The following RALB variants were observed in gnomAD, a reference collection of about 807,000 sequenced individuals.
RALB encodes the protein ras-related protein Ral-B.
A neutral mutation model predicts 21.3 loss-of-function variants in RALB; 16 were observed. That is an observed-to-expected ratio of 0.75 (90% confidence interval 0.51 to 1.14). RALB has a LOEUF of 1.14. Ranked by LOEUF, RALB falls within the 50% of genes most tolerant of loss-of-function variation. RALB has a pLI of 0.00. For synonymous variants in RALB, 93 were observed against 96.1 expected (o/e 0.97, Z 0.19); for missense variants, 161 against 256.2 (o/e 0.63, Z 2.54).
intron 2 of RALB, 29 bp from the exon 3 acceptor site, chr2:120,285,845 T>G (rs1369299794): frequency 5.0e-6 from 8 of 1,592,056 alleles, no homozygotes; most frequent in Non-Finnish European, 6.0e-6. Context: ...TAAGACTTTG[T>G]TAATTACCGA....
At chr2:120,241,827 G>A (rs528789308) in intron 1 of RALB, among the ~76,000 whole-genome samples, 15 of 152,362 alleles carry the variant, frequency 9.8e-5, no homozygotes, top group East Asian at 1.9e-4. Context: ...GTGGGAATGC[G>A]TAATGGTGCA....
chr2:120,262,930 A>G (rs994846733), intron 1 of RALB, among the ~76,000 whole-genome samples: 4 of 152,058 alleles, frequency 2.6e-5, no homozygotes, highest in African/African-American at 9.7e-5. Flanking sequence ...CTGCCCTGAG[A>G]CGTAGGCAGG....
At position 120,252,984 on chromosome 2, in the gene RALB, A is replaced by C. The variant is rs1216386849; in HGVS notation, c.-48+4A>C. 9.1e-6 allele frequency: 9 copies of C among 984,076 alleles called. No homozygotes were observed. The highest frequency in any genetic ancestry group is 1.1e-5 in the Non-Finnish European group (9 of 829,618). 61.0% of individuals were successfully genotyped at this position (984,076 alleles called of 1,614,324 possible). ...GAGGCGGCGGGACTGGTCCCTGGTA[A>C]GGGCGCGGCGCCCGCGGGCCCCGGG... is the stretch of plus-strand genomic sequence containing the variant. On this transcript the variant is annotated splice_donor_region_variant and intron_variant, in intron 1 of 4. Transcript: ENST00000272519.
chr2:120,250,610 C>T (rs1359024985), upstream of RALB, among the ~76,000 whole-genome samples: 2 of 152,216 alleles, frequency 1.3e-5, no homozygotes, highest in African/African-American at 4.8e-5. Context: ...ATGCTCTTTC[C>T]ATGGCAGCAG....
At chr2:120,282,559 TG>T (rs1264300647) in intron 2 of RALB, among the ~76,000 whole-genome samples, 2 of 66,690 alleles carry the variant, frequency 3.0e-5, no homozygotes, top group Non-Finnish European at 5.4e-5. Flanking sequence ...GTGTGTGTGT[TG>T]GGGAGGGGGG....
At chr2:120,292,201 G>A (rs972813145) in intron 4 of RALB, among the ~76,000 whole-genome samples, 2 of 152,192 alleles carry the variant, frequency 1.3e-5, no homozygotes, top group Non-Finnish European at 2.9e-5. Context: ...CCTCTCAGCT[G>A]ACATCACAAG....
Position 120,285,133 on chromosome 2 carries a change from A to G in RALB, c.115-741A>G, listed in dbSNP as rs534330038. 3.9e-5 allele frequency among the ~76,000 whole-genome samples: 6 copies of G among 152,254 alleles called. No homozygotes were observed. The East Asian group carries it at 1.2e-3, about 29-fold the overall frequency. Reference sequence around the variant, plus strand: ...GGGAGGCCTCAGGAAACTTACAATCATGGCAGAAGGGGGAGCAAACATGTC... The same window carrying G: ...GGGAGGCCTCAGGAAACTTACAATCGTGGCAGAAGGGGGAGCAAACATGTC... On this transcript the variant is annotated intron_variant, in intron 2 of 4. Coordinates refer to ENST00000272519, the MANE Select transcript of RALB (RefSeq NM_002881.3).
upstream of RALB, among the ~76,000 whole-genome samples, chr2:120,249,844 C>T (rs1439014998): frequency 1.3e-5 from 2 of 152,184 alleles, no homozygotes; most frequent in Non-Finnish European, 2.9e-5. Context: ...GCTCTTGCCT[C>T]CCCTTCCAGC....
intron 1 of RALB, among the ~76,000 whole-genome samples, chr2:120,257,051 G>A (rs933200770): frequency 6.6e-6 from 1 of 152,218 alleles, no homozygotes; most frequent in Non-Finnish European, 1.5e-5. Context: ...CAAGTATGCA[G>A]TAGCTTTGGA....
At chr2:120,257,496 A>G (rs943352921) in intron 1 of RALB, among the ~76,000 whole-genome samples, 5 of 132,138 alleles carry the variant, frequency 3.8e-5, no homozygotes, top group African/African-American at 1.5e-4. Context: ...CATCTCTGAA[A>G]ATTCTATGAT....
chr2:120,254,762 C>G (rs1689155186), intron 1 of RALB, among the ~76,000 whole-genome samples: 1 of 152,178 alleles, frequency 6.6e-6, no homozygotes, highest in Non-Finnish European at 1.5e-5. Flanking sequence ...ACTGCAGCCC[C>G]CACCTCCCAG....
chr2:120,278,897 G>A (rs575254683), intron 2 of RALB, 119 bp downstream of exon 2: 1 of 949,210 alleles, frequency 1.1e-6, no homozygotes, highest in Non-Finnish European at 1.4e-6. Flanking sequence ...AGTCTGTGTT[G>A]AGGTGGCTTC....
chr2:120,256,162 T>G (rs571304333), intron 1 of RALB, among the ~76,000 whole-genome samples: 7 of 152,228 alleles, frequency 4.6e-5, no homozygotes, highest in South Asian at 2.1e-4. Context: ...TGCAGTCATC[T>G]GAAGCTCGAC....
intron 1 of RALB, among the ~76,000 whole-genome samples, chr2:120,246,837 T>C (rs911840669): frequency 2.0e-5 from 3 of 150,502 alleles, no homozygotes; most frequent in African/African-American, 7.3e-5. Context: ...CTGCGTCTGG[T>C]GTGGAGGCAG....
chr2:120,249,851 C>T (rs140019611), upstream of RALB, among the ~76,000 whole-genome samples: 323 of 152,340 alleles, frequency 2.1e-3, no homozygotes, highest in African/African-American at 7.6e-3. Context: ...CCTCCCCTTC[C>T]AGCCCTGTGT....
At chr2:120,258,000 A>G (rs1330961096) in intron 1 of RALB, among the ~76,000 whole-genome samples, 2 of 152,170 alleles carry the variant, frequency 1.3e-5, no homozygotes, top group South Asian at 4.1e-4. Context: ...CACTTTCCTC[A>G]TGTGCATTGT....
chr2:120,289,759 T>C lies in RALB; in HGVS notation c.501+2T>C. 1 of 1,597,926 alleles carries C rather than the reference T, an allele frequency of 6.3e-7. No homozygotes were observed. The highest frequency in any genetic ancestry group is 1.1e-5 in the South Asian group (1 of 89,406). ...AAGACCCGGGCCAACGTGGACAAGG[T>C]AGGCGTGAATTCTGTGTATTTCTCA... On this transcript the variant is annotated splice_donor_variant, in intron 4 of 4. Transcript: ENST00000272519. LOFTEE classifies it high-confidence loss of function.
At chr2:120,255,002 G>A (rs1016598340) in intron 1 of RALB, among the ~76,000 whole-genome samples, 11 of 152,172 alleles carry the variant, frequency 7.2e-5, no homozygotes, top group African/African-American at 2.7e-4. Context: ...TCCAAATCAC[G>A]TAATCCTACT....
chr2:120,269,592 C>T (rs138715748), intron 1 of RALB, among the ~76,000 whole-genome samples: 1,984 of 152,258 alleles, frequency 0.013, 44 homozygotes, highest in African/African-American at 0.046. Flanking sequence ...AGCCACAGAG[C>T]GCTGATTGGT....
Sources: gnomAD v4.1 joint callset for allele counts (sites outside exome capture counted in the v4.1 genomes callset) on GRCh38, gnomAD v4.1.1 for gene constraint, MANE v1.5 for transcripts, NCBI Gene and HGNC (gene_info 2026-07-23, HGNC 2026-07-21) for gene names.